The following CNTNAP2 variants were observed in gnomAD, a reference collection of about 807,000 sequenced individuals.
The protein encoded by CNTNAP2 is contactin-associated protein-like 2.
Under a neutral mutation model 155.2 loss-of-function variants are expected in CNTNAP2, and 98 were observed. The ratio of observed to expected loss-of-function variants is 0.63; its 90% confidence interval spans 0.54 to 0.75. CNTNAP2 has a LOEUF of 0.75. CNTNAP2 is among the 30% of genes least tolerant of loss of function. The probability of loss-of-function intolerance (pLI) is 0.00; values close to 1 mark genes in which losing one functional copy is unlikely to be tolerated. For synonymous variants in CNTNAP2, 651 were observed against 631.2 expected, an observed-to-expected ratio of 1.03 and a Z score of -0.47; for missense variants, 1,727 against 1,688.1, an observed-to-expected ratio of 1.02 and a Z score of -0.40.
intron 13 of CNTNAP2, among the ~76,000 whole-genome samples, chr7:147,740,449 A>T (rs78728782): frequency 0.012 from 1,838 of 152,306 alleles, 45 homozygotes; most frequent in African/African-American, 0.042. Context: ...AAACCCACTG[A>T]GGCTTGGTGC....
chr7:146,784,966 C>G (rs1238215952), intron 2 of CNTNAP2, among the ~76,000 whole-genome samples: 1 of 141,606 alleles, frequency 7.1e-6, no homozygotes, highest in Non-Finnish European at 1.5e-5. Context: ...ATTCCTTTAT[C>G]CCTTTGCTTT....
intron 11 of CNTNAP2, among the ~76,000 whole-genome samples, chr7:147,487,933 A>T: frequency 6.6e-6 from 1 of 152,300 alleles, no homozygotes; most frequent in South Asian, 2.1e-4. Flanking sequence ...CTTTTTAATA[A>T]TAAAAGCCTG....
rs943464340 is a variant in CNTNAP2 at position 147,497,340 on chromosome 7, G to A, written c.1777+11299G>A. On this transcript the variant is annotated intron_variant, in intron 11 of 23. Coordinates refer to ENST00000361727, the MANE Select transcript of CNTNAP2 (RefSeq NM_014141.6). ...CTTGAAAGCCCATTCTTGGCATCAC[G>A]GATGCCACCACCAAATGCCAGACAA... 9.2e-5 allele frequency among the ~76,000 whole-genome samples: 14 copies of A among 152,172 alleles called. No homozygotes were observed. In the South Asian group the frequency reaches 1.2e-3, roughly 14 times the overall value.
intron 8 of CNTNAP2, among the ~76,000 whole-genome samples, chr7:147,286,938 C>T (rs1805192366): frequency 6.6e-6 from 1 of 152,042 alleles, no homozygotes; most frequent in Admixed American, 6.6e-5. Flanking sequence ...TCCTTCTTCA[C>T]ATCACATTCT....
chr7:146,219,693 T>A (rs1799175607), intron 1 of CNTNAP2, among the ~76,000 whole-genome samples: 1 of 152,146 alleles, frequency 6.6e-6, no homozygotes, highest in Non-Finnish European at 1.5e-5. Flanking sequence ...TTTGCATGAT[T>A]TATGTGATTT....
chr7:146,812,288 C>T (rs1007682658), intron 2 of CNTNAP2, among the ~76,000 whole-genome samples: 2 of 151,860 alleles, frequency 1.3e-5, no homozygotes, highest in Admixed American at 6.6e-5. Flanking sequence ...GAGGAACTCG[C>T]TGGGAACTAG....
At chr7:147,332,618 C>G (rs754903739) in intron 9 of CNTNAP2, among the ~76,000 whole-genome samples, 4 of 152,116 alleles carry the variant, frequency 2.6e-5, no homozygotes, top group Non-Finnish European at 5.9e-5. Context: ...AATCCCAGCA[C>G]TTTGGGAGAC....
chr7:146,782,392 C>G (rs938816752), intron 2 of CNTNAP2: 3 of 152,152 alleles, frequency 2.0e-5, no homozygotes, highest in African/African-American at 7.2e-5. Flanking sequence ...AATTGGCTCT[C>G]CTGGAAACAC....
intron 8 of CNTNAP2, among the ~76,000 whole-genome samples, chr7:147,138,119 G>A (rs754641923): frequency 1.3e-5 from 2 of 151,786 alleles, no homozygotes; most frequent in Non-Finnish European, 2.9e-5. Flanking sequence ...TGGGCTTGTA[G>A]ATATCTAAAA....
At chr7:148,200,830 C>A (rs1407992629) in intron 18 of CNTNAP2, among the ~76,000 whole-genome samples, 1 of 152,186 alleles carries the variant, frequency 6.6e-6, no homozygotes, top group Non-Finnish European at 1.5e-5. Context: ...TGTTTACCTT[C>A]TCTGAATCTC....
intron 13 of CNTNAP2, among the ~76,000 whole-genome samples, chr7:147,874,541 G>C (rs1330955960): frequency 6.6e-6 from 1 of 152,274 alleles, no homozygotes; most frequent in Admixed American, 6.5e-5. Context: ...GCACACAGCA[G>C]GGGGGCCCTG....
intron 1 of CNTNAP2, among the ~76,000 whole-genome samples, chr7:146,454,029 A>C (rs1014550470): frequency 6.6e-6 from 1 of 152,184 alleles, no homozygotes; most frequent in African/African-American, 2.4e-5. Flanking sequence ...TTTTCAAAAA[A>C]AATAGAAGTT....
chr7:147,082,442 C>T (rs1165003749), intron 4 of CNTNAP2: 3 of 152,116 alleles, frequency 2.0e-5, no homozygotes, highest in Non-Finnish European at 4.4e-5. Context: ...GTGTGACCAC[C>T]AACACTTAGA....
intron 2 of CNTNAP2, among the ~76,000 whole-genome samples, chr7:146,778,994 C>G (rs370197047): frequency 6.2e-4 from 95 of 152,198 alleles, no homozygotes; most frequent in African/African-American, 2.0e-3. Context: ...ACTGGGGAAA[C>G]GATAACAGGC....
intron 1 of CNTNAP2, among the ~76,000 whole-genome samples, chr7:146,121,087 A>T (rs1045710166): frequency 2.7e-4 from 36 of 132,362 alleles, no homozygotes; most frequent in Middle Eastern, 4.6e-3. Flanking sequence ...ACAAAAACTT[A>T]CTCAAATGTC....
intron 1 of CNTNAP2, among the ~76,000 whole-genome samples, chr7:146,301,258 G>T (rs965157184): frequency 2.0e-5 from 3 of 152,224 alleles, no homozygotes; most frequent in African/African-American, 7.2e-5. Context: ...GGATTAATTT[G>T]AGAATAGAAG....
chr7:146,638,240 A>G (rs564705738), intron 1 of CNTNAP2, among the ~76,000 whole-genome samples: 2 of 152,278 alleles, frequency 1.3e-5, no homozygotes, highest in African/African-American at 4.8e-5. Flanking sequence ...GACTTAAATT[A>G]TTAAGCATTA....
intron 8 of CNTNAP2, among the ~76,000 whole-genome samples, chr7:147,183,548 C>T (rs369338462): frequency 3.3e-5 from 5 of 151,004 alleles, no homozygotes; most frequent in South Asian, 2.1e-4. Context: ...CATATTCAGC[C>T]ACTTTGTTAA....
intron 10 of CNTNAP2, among the ~76,000 whole-genome samples, chr7:147,419,210 C>T (rs826646): frequency 0.12 from 18,773 of 152,006 alleles, 1,416 homozygotes; most frequent in East Asian, 0.32. Flanking sequence ...TCCAGGCCTT[C>T]CTCTCTTCTC....
Sources: allele counts gnomAD v4.1 joint callset (sites outside exome capture counted in the v4.1 genomes callset), GRCh38; gene constraint gnomAD v4.1.1; transcripts MANE v1.5; gene names NCBI Gene and HGNC (gene_info 2026-07-23, HGNC 2026-07-21).